Variants in SGCG observed in about 807,000 individuals in gnomAD.
SGCG encodes gamma-sarcoglycan.
SGCG carries 26 observed loss-of-function variants against 29.3 expected under a neutral mutation model. That is an observed-to-expected ratio of 0.89 (90% CI 0.65 to 1.23). The LOEUF (loss-of-function observed/expected upper bound fraction) is 1.23, where lower values mean the gene tolerates loss of function less well. SGCG is among the 50% of genes most tolerant of loss of function. SGCG has a pLI of 0.00. For missense variants in SGCG, 353 were observed against 356.0 expected (o/e 0.99, Z 0.07); for synonymous variants, 145 against 129.7 (o/e 1.12, Z -0.80).
chr13:23,250,698 C>T lies in SGCG; in HGVS notation c.366C>T (p.Val122=). 6.2e-7 allele frequency: 1 copy of T among 1,610,886 alleles called. No individual in the cohort carries two copies. Among genetic ancestry groups the T allele is most frequent in the South Asian group, 1.1e-5 (1 of 90,920 alleles). ...ATGCGCGCAACTCAGAAGGGGAGGT[C>T]ACAGGCAGGTTAAAAGTCGGTGAGT... is the stretch of plus-strand genomic sequence containing the variant. ...TVNARNSEGE[V]TGRLKVGPKM... Residue 122 remains valine, a synonymous_variant, in exon 4 of 8, where the codon GTC becomes GTT. Transcript: ENST00000218867.
chr13:23,258,147 G>A (rs530243102), intron 4 of SGCG, among the ~76,000 whole-genome samples: 16 of 152,018 alleles, frequency 1.1e-4, no homozygotes, highest in Non-Finnish European at 2.1e-4. Context: ...CAGTATGGCC[G>A]TTTTCACGAT....
rs538624147 is a variant in SGCG at position 23,226,941 on chromosome 13, T to A, written c.196-7670T>A. On this transcript the variant is annotated intron_variant, in intron 2 of 7. Coordinates refer to ENST00000218867, the MANE Select transcript of SGCG (RefSeq NM_000231.3). ...TTATATGTGGGAAGCTGTCCCGGAATGAGGCAGCTGGCAAATTTTAGGACA... is the reference window on the plus strand; with the variant it reads ...TTATATGTGGGAAGCTGTCCCGGAAAGAGGCAGCTGGCAAATTTTAGGACA... 6.6e-5 allele frequency among the ~76,000 whole-genome samples: 10 copies of A among 152,368 alleles called. No individual in the cohort carries two copies. In the East Asian group the frequency reaches 1.9e-3, roughly 29 times the overall value.
intron 1 of SGCG, among the ~76,000 whole-genome samples, chr13:23,188,775 C>A (rs1877114834): frequency 6.6e-6 from 1 of 152,138 alleles, no homozygotes; most frequent in Non-Finnish European, 1.5e-5. Flanking sequence ...CAGCCTAGCT[C>A]ATGGGCCTAT....
intron 4 of SGCG, among the ~76,000 whole-genome samples, chr13:23,260,984 C>T (rs1880411169): frequency 1.3e-5 from 2 of 152,100 alleles, no homozygotes; most frequent in Admixed American, 1.3e-4. Context: ...TCCTTCATTT[C>T]AACCTTGGTG....
intron 2 of SGCG, among the ~76,000 whole-genome samples, chr13:23,227,608 G>T (rs903644525): frequency 3.3e-5 from 5 of 152,116 alleles, no homozygotes; most frequent in African/African-American, 1.2e-4. Flanking sequence ...AAAGAAACAA[G>T]CTACTGACAT....
intron 4 of SGCG, among the ~76,000 whole-genome samples, chr13:23,275,503 T>TAAAA (rs35071248): frequency 6.9e-6 from 1 of 145,522 alleles, no homozygotes; most frequent in East Asian, 2.0e-4. Flanking sequence ...ACCCTGTCTT[T>TAAAA]AAAAAAAAAA....
intron 3 of SGCG, among the ~76,000 whole-genome samples, chr13:23,249,552 G>A (rs1879877847): frequency 4.6e-5 from 7 of 151,886 alleles, no homozygotes; most frequent in Non-Finnish European, 1.0e-4. Context: ...CAAGTAAAGC[G>A]AAAAAAATGT....
intron 3 of SGCG, among the ~76,000 whole-genome samples, chr13:23,247,451 G>A (rs1879757480): frequency 6.6e-6 from 1 of 152,114 alleles, no homozygotes; most frequent in African/African-American, 2.4e-5. Context: ...CAGCAAAAAT[G>A]CCTTAAGGTA....
At chr13:23,286,381 G>A (rs1462680602) in intron 5 of SGCG, among the ~76,000 whole-genome samples, 2 of 152,184 alleles carry the variant, frequency 1.3e-5, no homozygotes, top group East Asian at 3.8e-4. Flanking sequence ...AGATTTGCCA[G>A]CAACTAAAGA....
intron 2 of SGCG, among the ~76,000 whole-genome samples, chr13:23,233,517 G>C (rs1041734498): frequency 5.9e-5 from 9 of 151,960 alleles, no homozygotes; most frequent in Admixed American, 4.6e-4. Flanking sequence ...CCAGGTGGTT[G>C]GGTGGAGGGG....
At chr13:23,318,803 A>G (rs1302010893) in intron 6 of SGCG, among the ~76,000 whole-genome samples, 1 of 152,204 alleles carries the variant, frequency 6.6e-6, no homozygotes, top group Non-Finnish European at 1.5e-5. Context: ...CCATTATAAC[A>G]TGGTTAAAAA....
chr13:23,246,782 G>T, intron 3 of SGCG: 1 of 210,316 alleles, frequency 4.8e-6, no homozygotes, highest in South Asian at 8.9e-5. Flanking sequence ...AGCCCATGAT[G>T]ATCCACTGCC....
intron 6 of SGCG, among the ~76,000 whole-genome samples, chr13:23,298,932 T>A (rs1468570281): frequency 6.6e-6 from 1 of 152,012 alleles, no homozygotes; most frequent in Non-Finnish European, 1.5e-5. Flanking sequence ...TTGAAAAAAA[T>A]AACAAAACTG....
At chr13:23,314,435 G>A (rs75155181) in intron 6 of SGCG, among the ~76,000 whole-genome samples, 26,980 of 112,448 alleles carry the variant, frequency 0.24, 3,354 homozygotes, top group Admixed American at 0.3. Context: ...AATAAGATAT[G>A]TATATAAGAT....
intron 1 of SGCG, among the ~76,000 whole-genome samples, chr13:23,195,077 T>C (rs1877434455): frequency 1.3e-5 from 2 of 152,206 alleles, no homozygotes; most frequent in Non-Finnish European, 2.9e-5. Context: ...GTATAAATCA[T>C]GCCAAGAGCT....
intron 4 of SGCG, among the ~76,000 whole-genome samples, chr13:23,270,528 A>G (rs1880833599): frequency 2.0e-5 from 3 of 152,144 alleles, no homozygotes; most frequent in Admixed American, 1.3e-4. Flanking sequence ...CAGAATTGTC[A>G]TTTTTTATTC....
chr13:23,193,367 T>C (rs184502604), intron 1 of SGCG, among the ~76,000 whole-genome samples: 3 of 151,914 alleles, frequency 2.0e-5, no homozygotes, highest in Admixed American at 6.6e-5. Context: ...CATGTGGAGA[T>C]TGGATTAAGA....
At chr13:23,217,843 C>T (rs36102504) in intron 2 of SGCG, among the ~76,000 whole-genome samples, 1 of 151,976 alleles carries the variant, frequency 6.6e-6, no homozygotes, top group Non-Finnish European at 1.5e-5. Flanking sequence ...ATCAACCCTA[C>T]TCAATGGCCC....
At chr13:23,279,117 T>G (rs945282677) in intron 4 of SGCG, among the ~76,000 whole-genome samples, 2 of 152,232 alleles carry the variant, frequency 1.3e-5, no homozygotes, top group African/African-American at 4.8e-5. Context: ...TCTTAAATAA[T>G]GTATTTGTAC....
Sources: gnomAD v4.1 joint callset for allele counts (sites outside exome capture counted in the v4.1 genomes callset) on GRCh38, gnomAD v4.1.1 for gene constraint, MANE v1.5 for transcripts, NCBI Gene and HGNC (gene_info 2026-07-23, HGNC 2026-07-21) for gene names.